NELL1: variants seen among roughly 807,000 people sequenced by gnomAD.
The protein encoded by NELL1 is neural EGFL like 1.
NELL1 carries 76 observed loss-of-function variants against 107.4 expected under a neutral mutation model. That is an observed-to-expected ratio of 0.71 (90% confidence interval 0.59 to 0.86). The LOEUF (loss-of-function observed/expected upper bound fraction) is 0.86, where lower values mean the gene tolerates loss of function less well. Among genes scored for constraint, NELL1 ranks in the 40% least tolerant of loss-of-function variants. The pLI is 0.00. For synonymous variants in NELL1, 353 were observed against 341.2 expected, an observed-to-expected ratio of 1.03 and a Z score of -0.38; for missense variants, 1,024 against 1,005.5, an observed-to-expected ratio of 1.02 and a Z score of -0.25.
At chr11:21,104,819 T>C (rs546759690) in intron 12 of NELL1, among the ~76,000 whole-genome samples, 1 of 152,298 alleles carries the variant, frequency 6.6e-6, no homozygotes, top group South Asian at 2.1e-4. Flanking sequence ...AAATGTTATT[T>C]TCTCACATCT....
At chr11:20,844,945 T>C (rs972280386) in intron 3 of NELL1, among the ~76,000 whole-genome samples, 14 of 152,236 alleles carry the variant, frequency 9.2e-5, no homozygotes, top group Admixed American at 7.2e-4. Context: ...CAAATGACTT[T>C]CTGCTCAGAG....
intron 12 of NELL1, among the ~76,000 whole-genome samples, chr11:21,073,752 T>C (rs2134383205): frequency 6.6e-6 from 1 of 152,262 alleles, no homozygotes; most frequent in East Asian, 1.9e-4. Flanking sequence ...AGTAGTTGAG[T>C]TGTTTCATTA....
intron 2 of NELL1, among the ~76,000 whole-genome samples, chr11:20,761,512 G>A (rs774525532): frequency 6.6e-6 from 1 of 151,978 alleles, no homozygotes; most frequent in African/African-American, 2.4e-5. Context: ...TCATTTTCTT[G>A]AGGAATGTCA....
intron 13 of NELL1, among the ~76,000 whole-genome samples, chr11:21,168,916 G>T (rs983030275): frequency 1.3e-5 from 2 of 151,866 alleles, no homozygotes; most frequent in Non-Finnish European, 2.9e-5. Flanking sequence ...TCAGTCCTAC[G>T]AGAGGACTTT....
chr11:20,898,583 G>T (rs1217215240), intron 5 of NELL1, among the ~76,000 whole-genome samples: 1 of 149,330 alleles, frequency 6.7e-6, no homozygotes, highest in Non-Finnish European at 1.5e-5. Flanking sequence ...AAAAAAAAGT[G>T]TTCTCTTTTC....
At chr11:21,021,310 A>G (rs114954188) in intron 12 of NELL1, among the ~76,000 whole-genome samples, 1,804 of 151,838 alleles carry the variant, frequency 0.012, 36 homozygotes, top group African/African-American at 0.041. Flanking sequence ...ATATGAAGAG[A>G]GCTTTAAAAC....
chr11:21,004,356 T>A (rs1342774684), intron 12 of NELL1, among the ~76,000 whole-genome samples: 1 of 152,138 alleles, frequency 6.6e-6, no homozygotes, highest in African/African-American at 2.4e-5. Context: ...TAAACATTTT[T>A]ATAATATTTT....
chr11:20,970,093 A>G (rs935271234), intron 12 of NELL1, among the ~76,000 whole-genome samples: 6 of 143,878 alleles, frequency 4.2e-5, no homozygotes, highest in Non-Finnish European at 4.6e-5. Flanking sequence ...CCATCCATCC[A>G]TCCGTACTCT....
intron 15 of NELL1, among the ~76,000 whole-genome samples, chr11:21,441,746 G>A (rs933266916): frequency 6.6e-6 from 1 of 151,032 alleles, no homozygotes; most frequent in Non-Finnish European, 1.5e-5. Context: ...GGTTGATAAG[G>A]TCTGACATCA....
rs540061421 is a variant in NELL1, at chr11:21,130,650, C to T, written c.1426+16936C>T. On this transcript the variant is annotated intron_variant, in intron 13 of 19. Transcript: ENST00000357134. ...CATCTATGGTATTACATTTTCCCTGCTGTTGATAAATAATTCAGATAAGAA... is the reference window on the plus strand; with the variant it reads ...CATCTATGGTATTACATTTTCCCTGTTGTTGATAAATAATTCAGATAAGAA... Among the ~76,000 whole-genome samples the T allele has an allele frequency of 3.9e-5, 6 of 152,258 alleles. No homozygotes were observed. The South Asian group carries it at 1.2e-3, about 32-fold the overall frequency.
At chr11:20,703,148 T>A (rs1854842559) in intron 2 of NELL1, among the ~76,000 whole-genome samples, 1 of 152,182 alleles carries the variant, frequency 6.6e-6, no homozygotes, top group Non-Finnish European at 1.5e-5. Context: ...TTTTTTTGGC[T>A]GGTAGGCTAT....
intron 2 of NELL1, among the ~76,000 whole-genome samples, chr11:20,737,250 CAGAGCTCCCTGGGT>C (rs2133929467): frequency 6.6e-6 from 1 of 152,020 alleles, no homozygotes; most frequent in South Asian, 2.1e-4. Flanking sequence ...TAAAAATAAC[CAGAGCTCCCTGGGT>C]AGAACTGATT....
chr11:21,021,779 C>G (rs1852707412), intron 12 of NELL1, among the ~76,000 whole-genome samples: 1 of 152,022 alleles, frequency 6.6e-6, no homozygotes, highest in African/African-American at 2.4e-5. Flanking sequence ...TCCAAATGGG[C>G]TGATTTCATT....
intron 5 of NELL1, among the ~76,000 whole-genome samples, chr11:20,906,576 T>A (rs984511352): frequency 6.6e-6 from 1 of 152,058 alleles, no homozygotes; most frequent in Non-Finnish European, 1.5e-5. Flanking sequence ...CTCTTATGAA[T>A]GTAGAGGCAA....
chr11:21,515,858 G>A (rs1855548706), intron 15 of NELL1, among the ~76,000 whole-genome samples: 1 of 152,182 alleles, frequency 6.6e-6, no homozygotes, highest in South Asian at 2.1e-4. Context: ...ACAAGTTGAG[G>A]AGGTAGAGCA....
intron 14 of NELL1, among the ~76,000 whole-genome samples, chr11:21,331,029 A>G (rs906430601): frequency 6.6e-6 from 1 of 152,072 alleles, no homozygotes; most frequent in African/African-American, 2.4e-5. Context: ...TTTCAGTTAT[A>G]TTAGTTTCCT....
At chr11:21,208,647 C>T (rs577757039) in intron 13 of NELL1, among the ~76,000 whole-genome samples, 5 of 152,152 alleles carry the variant, frequency 3.3e-5, no homozygotes, top group South Asian at 4.1e-4. Context: ...AGCTTCCAGT[C>T]CTGGAAAATC....
intron 14 of NELL1, among the ~76,000 whole-genome samples, chr11:21,289,224 A>T (rs984562515): frequency 1.1e-4 from 16 of 152,244 alleles, no homozygotes; most frequent in Non-Finnish European, 2.2e-4. Context: ...CTTGGGCAAG[A>T]TGGCCCAATA....
intron 17 of NELL1, among the ~76,000 whole-genome samples, chr11:21,569,155 C>T (rs1001296740): frequency 6.6e-6 from 1 of 151,638 alleles, no homozygotes; most frequent in African/African-American, 2.4e-5. Context: ...ATAAGACCAC[C>T]TTTTGTATGT....
Sources: gnomAD v4.1 joint callset for allele counts (sites outside exome capture counted in the v4.1 genomes callset) on GRCh38, gnomAD v4.1.1 for gene constraint, MANE v1.5 for transcripts, NCBI Gene and HGNC (gene_info 2026-07-23, HGNC 2026-07-21) for gene names.